The following CD99 variants were observed in gnomAD, a reference collection of about 807,000 sequenced individuals.
The protein encoded by CD99 is CD99 antigen.
CD99 carries 19 observed loss-of-function variants against 28.4 expected under a neutral mutation model. The observed-to-expected ratio is 0.67, with a 90% CI of 0.47 to 0.98. The LOEUF (loss-of-function observed/expected upper bound fraction) is 0.98, where lower values mean the gene tolerates loss of function less well. Among genes scored for constraint, CD99 ranks in the 50% least tolerant of loss-of-function variants. The pLI is 0.00. For synonymous variants in CD99, 103 were observed against 92.1 expected (o/e 1.12, Z -0.67); for missense variants, 283 against 248.8 (o/e 1.14, Z -0.92).
intron 1 of CD99, among the ~76,000 whole-genome samples, chrX:2,710,255 C>G (rs1012431787): frequency 1.3e-5 from 2 of 152,124 alleles, no homozygotes; most frequent in African/African-American, 4.8e-5. Flanking sequence ...TTCCTGGGTT[C>G]TGCTGTGAGC....
intron 1 of CD99, among the ~76,000 whole-genome samples, chrX:2,694,923 G>T (rs182941841): frequency 6.6e-6 from 1 of 152,276 alleles, no homozygotes; most frequent in East Asian, 1.9e-4. Context: ...GGTACATGCT[G>T]TCATTTAGAA....
intron 1 of CD99, among the ~76,000 whole-genome samples, chrX:2,697,604 G>A (rs1251107856): frequency 2.0e-5 from 3 of 152,092 alleles, no homozygotes; most frequent in Admixed American, 6.6e-5. Context: ...GTTTCTGCAC[G>A]ATGGACTGGA....
intron 1 of CD99, among the ~76,000 whole-genome samples, chrX:2,713,315 AACAC>A (rs34576945): frequency 5.9e-5 from 9 of 151,298 alleles, no homozygotes; most frequent in East Asian, 1.9e-4. Flanking sequence ...GCACACAAAA[AACAC>A]ACTACACACA....
chrX:2,717,347 C>CAA (rs111805240), intron 2 of CD99: 58,307 of 341,586 alleles, frequency 0.17, 3,645 homozygotes, highest in Non-Finnish European at 0.2. Context: ...GACTTGGTCT[C>CAA]AAAAAAAAAA....
At chrX:2,717,849 AT>A in intron 3 of CD99, 197 bp downstream of exon 3, 1 of 574,356 alleles carries the variant, frequency 1.7e-6, no homozygotes, top group Non-Finnish European at 3.2e-6. Context: ...ATGGTTGCTG[AT>A]GTGAAATGTT....
chrX:2,709,697 A>AACATAGACACATGCATGT (rs2048303630), intron 1 of CD99, among the ~76,000 whole-genome samples: 3 of 151,930 alleles, frequency 2.0e-5, no homozygotes, highest in Admixed American at 6.6e-5. Context: ...CACATGCATG[A>AACATAGACACATGCATGT]ACATAGACAC....
At chrX:2,691,869 C>G (rs778988873) in intron 1 of CD99, 1 of 778,978 alleles carries the variant, frequency 1.3e-6, no homozygotes, top group South Asian at 1.3e-5. Flanking sequence ...CGTCCCGGGC[C>G]TAAATTTGGA....
chrX:2,716,047 C>G (rs1454865688), intron 2 of CD99, among the ~76,000 whole-genome samples: 1 of 145,754 alleles, frequency 6.9e-6, no homozygotes, highest in Non-Finnish European at 1.5e-5. Context: ...GAGATGGAGT[C>G]TCTCTCTGTC....
In CD99 at chrX:2,691,860, G is replaced by A. The variant is rs370305150; in HGVS notation, c.67+433G>A. The A allele has an allele frequency of 1.3e-5, 10 of 778,744 alleles. No homozygotes were observed. The African/African-American group carries it at 1.5e-4, about 12-fold the overall frequency. 48.2% of individuals were successfully genotyped at this position (778,744 alleles called of 1,614,324 possible). On this transcript the variant is annotated intron_variant, in intron 1 of 9. Transcript: ENST00000381192. ...GTTGCCTGTCACAGCCACGCCCTGC[G>A]TCCCGGGCCTAAATTTGGAATCGCT...
chrX:2,734,632 C>A (rs1218528227), intron 8 of CD99, among the ~76,000 whole-genome samples: 1 of 144,886 alleles, frequency 6.9e-6, no homozygotes, highest in African/African-American at 2.5e-5. Context: ...TTTTTTTTTT[C>A]TCTTATTTCT....
chrX:2,693,081 G>A (rs2047406800), intron 1 of CD99, among the ~76,000 whole-genome samples: 1 of 152,098 alleles, frequency 6.6e-6, no homozygotes, highest in African/African-American at 2.4e-5. Flanking sequence ...AGAGTGAGTG[G>A]AAAGCCTTAT....
rs311091 is a variant in CD99, at chrX:2,733,336, G to T, written c.476-4864G>T. On this transcript the variant is annotated intron_variant, in intron 8 of 9. Coordinates refer to ENST00000381192, the MANE Select transcript of CD99 (RefSeq NM_002414.5). ...ACTTTTTGTATTATTATTTTTTATC[G>T]TTTTCAACCTTCCATTTCAGATGGC... 3.2e-3 allele frequency: 4,965 copies of T among 1,571,338 alleles called. 93 individuals are homozygous for T. In the African/African-American group the frequency reaches 0.045, roughly 14 times the overall value.
intron 1 of CD99, chrX:2,692,158 T>A (rs1274475140): frequency 1.9e-6 from 1 of 540,140 alleles, no homozygotes; most frequent in Non-Finnish European, 3.3e-6. Context: ...TTCTAATTAT[T>A]ACTTTAATCA....
chrX:2,694,631 T>C (rs2124455924), intron 1 of CD99, among the ~76,000 whole-genome samples: 1 of 152,058 alleles, frequency 6.6e-6, no homozygotes, highest in South Asian at 2.1e-4. Flanking sequence ...TGAGCGCCTA[T>C]AATCCCAGCT....
intron 1 of CD99, chrX:2,692,080 GAAA>G: frequency 1.7e-6 from 1 of 604,646 alleles, no homozygotes; most frequent in East Asian, 2.8e-5. Flanking sequence ...GGAGAATTCG[GAAA>G]ACAGAAAAAG....
chrX:2,713,540 TCACA>T (rs945818660), intron 1 of CD99, among the ~76,000 whole-genome samples: 3 of 152,042 alleles, frequency 2.0e-5, no homozygotes, highest in Non-Finnish European at 2.9e-5. Context: ...ACATGCACAC[TCACA>T]CACACATACC....
At chrX:2,730,613 C>T (rs999353310) in intron 8 of CD99, among the ~76,000 whole-genome samples, 4 of 152,106 alleles carry the variant, frequency 2.6e-5, no homozygotes, top group African/African-American at 9.7e-5. Flanking sequence ...GCCAAATTAA[C>T]AGAAGGTCCA....
intron 8 of CD99, among the ~76,000 whole-genome samples, chrX:2,736,258 G>A (rs994934419): frequency 2.2e-4 from 33 of 151,318 alleles, no homozygotes; most frequent in African/African-American, 7.5e-4. Flanking sequence ...CCATACAAAC[G>A]TGTTCCTTTA....
intron 8 of CD99, among the ~76,000 whole-genome samples, chrX:2,737,061 G>A (rs1177595590): frequency 6.6e-6 from 1 of 152,040 alleles, no homozygotes; most frequent in African/African-American, 2.4e-5. Context: ...AGGGGGGACA[G>A]GAGAGCCAAT....
Sources: gnomAD v4.1 joint callset for allele counts (sites outside exome capture counted in the v4.1 genomes callset) on GRCh38, gnomAD v4.1.1 for gene constraint, MANE v1.5 for transcripts, NCBI Gene and HGNC (gene_info 2026-07-23, HGNC 2026-07-21) for gene names.